Variants in SCAPER observed in about 807,000 individuals in gnomAD.
SCAPER encodes S phase cyclin A-associated protein in the endoplasmic reticulum.
A neutral mutation model predicts 182.2 loss-of-function variants in SCAPER; 98 were observed. The observed-to-expected ratio is 0.54, with a 90% CI of 0.46 to 0.64. The LOEUF is 0.64. Among genes scored for constraint, SCAPER ranks in the 30% least tolerant of loss-of-function variants. SCAPER has a pLI of 0.00. For missense variants in SCAPER, 1,432 were observed against 1,690.0 expected (o/e 0.85, Z 2.68); for synonymous variants, 605 against 564.6 (o/e 1.07, Z -1.01).
At chr15:76,434,806 T>C (rs2047088825) in intron 25 of SCAPER, among the ~76,000 whole-genome samples, 1 of 152,174 alleles carries the variant, frequency 6.6e-6, no homozygotes, top group Non-Finnish European at 1.5e-5. Context: ...CCCTAGTACA[T>C]AATGCCACAC....
At chr15:76,713,853 A>C (rs59996054) in intron 17 of SCAPER, among the ~76,000 whole-genome samples, 1 of 152,058 alleles carries the variant, frequency 6.6e-6, no homozygotes, top group Non-Finnish European at 1.5e-5. Flanking sequence ...ATATACATCT[A>C]CTCTACAACC....
At chr15:76,390,660 C>T (rs949021577) in intron 27 of SCAPER, among the ~76,000 whole-genome samples, 5 of 152,280 alleles carry the variant, frequency 3.3e-5, no homozygotes, top group Middle Eastern at 6.8e-3. Flanking sequence ...AGATGGGACA[C>T]TTTTGACCTC....
At chr15:76,508,923 T>C (rs2041813202) in intron 23 of SCAPER, among the ~76,000 whole-genome samples, 1 of 152,250 alleles carries the variant, frequency 6.6e-6, no homozygotes, top group East Asian at 1.9e-4. Flanking sequence ...AGTTAAATCA[T>C]ATAGTATGTA....
At chr15:76,439,593 G>A (rs1184384535) in intron 25 of SCAPER, among the ~76,000 whole-genome samples, 2 of 152,228 alleles carry the variant, frequency 1.3e-5, no homozygotes, top group African/African-American at 4.8e-5. Flanking sequence ...CAACACTTGA[G>A]TTTGAACTTA....
chr15:76,432,470 A>G (rs566035479), intron 26 of SCAPER, among the ~76,000 whole-genome samples: 1 of 152,372 alleles, frequency 6.6e-6, no homozygotes, highest in Admixed American at 6.5e-5. Flanking sequence ...ATGAACTGCG[A>G]AAGAAGCAAA....
chr15:76,652,255 CT>C (rs2055126570), intron 21 of SCAPER, among the ~76,000 whole-genome samples: 1 of 5,418 alleles, frequency 1.8e-4, no homozygotes, highest in Non-Finnish European at 3.8e-4. Flanking sequence ...TGTGTCTCTG[CT>C]AAAAAAAAAA....
Position 76,623,646 on chromosome 15 carries a change from G to A in SCAPER, c.2646-1817C>T, listed in dbSNP as rs114359122. Among the ~76,000 whole-genome samples the A allele has an allele frequency of 9.0e-3, 1,373 of 152,260 alleles. 22 individuals carry two copies. The highest frequency in any genetic ancestry group is 0.032 in the African/African-American group (1,332 of 41,530). Reference sequence around the variant, plus strand: ...CCAGTACCATGCTCTCTTGGTTACTGTAGACTTATAGTATAGTTTGAAATT... The same window carrying A: ...CCAGTACCATGCTCTCTTGGTTACTATAGACTTATAGTATAGTTTGAAATT... On this transcript the variant is annotated intron_variant, in intron 21 of 31. Transcript: ENST00000563290.
Position 76,593,240 on chromosome 15 carries a change from C to A in SCAPER, c.2712-18956G>T. ...GCTGGGTGGAGGCATCATAGCTCCG[C>A]AAAGCTGCTATAGCCAGACTGCCTC... On this transcript the variant is annotated intron_variant, in intron 22 of 31. Transcript: ENST00000563290. 1.6e-5 allele frequency among the ~76,000 whole-genome samples: 2 copies of A among 121,224 alleles called. 1 individual carries two copies. Among genetic ancestry groups the A allele is most frequent in the Non-Finnish European group, 4.0e-5 (2 of 49,890 alleles). 79.5% of individuals were successfully genotyped at this position (121,224 alleles called of 152,430 possible).
rs1340938489 is a variant in SCAPER at position 76,548,125 on chromosome 15, A to AG, written c.2838+26032_2838+26033insC. Among the ~76,000 whole-genome samples the AG allele has an allele frequency of 4.0e-5, 6 of 151,662 alleles. No individual in the cohort carries two copies. The South Asian group carries it at 8.4e-4, about 21-fold the overall frequency. On this transcript the variant is annotated intron_variant, in intron 23 of 31. Transcript: ENST00000563290. Reference sequence around the variant, plus strand: ...TTTTAGCCCTTTTCCCGTTCAGAAAAAAAAAGTGCAGCTTGCTGCTAGCGC... The same window carrying AG: ...TTTTAGCCCTTTTCCCGTTCAGAAAAGAAAAAGTGCAGCTTGCTGCTAGCGC...
At chr15:76,369,934 A>G (rs1257845995) in intron 29 of SCAPER, among the ~76,000 whole-genome samples, 1 of 152,202 alleles carries the variant, frequency 6.6e-6, no homozygotes, top group African/African-American at 2.4e-5. Context: ...AGAGCAAGGT[A>G]CATGACATCT....
At chr15:76,652,353 C>T (rs1280094705) in intron 21 of SCAPER, among the ~76,000 whole-genome samples, 20 of 29,998 alleles carry the variant, frequency 6.7e-4, no homozygotes, top group Non-Finnish European at 6.9e-4. Context: ...TACACACACA[C>T]ACACACACAC....
intron 23 of SCAPER, among the ~76,000 whole-genome samples, chr15:76,543,513 G>A (rs2044973413): frequency 6.6e-6 from 1 of 152,126 alleles, no homozygotes; most frequent in South Asian, 2.1e-4. Flanking sequence ...TTGCACTGTG[G>A]ACAGAAGCTG....
chr15:76,630,051 A>T (rs1043708902), intron 21 of SCAPER, among the ~76,000 whole-genome samples: 4 of 152,174 alleles, frequency 2.6e-5, no homozygotes, highest in African/African-American at 9.7e-5. Flanking sequence ...ACTTGCATAG[A>T]GGTATTTATA....
chr15:76,408,608 C>T (rs529415876), intron 26 of SCAPER, among the ~76,000 whole-genome samples: 5 of 151,798 alleles, frequency 3.3e-5, no homozygotes, highest in South Asian at 2.1e-4. Flanking sequence ...TATAGTCTCA[C>T]GAGCAAGGTA....
chr15:76,782,957 T>C (rs1338535610), intron 8 of SCAPER, among the ~76,000 whole-genome samples: 1 of 152,006 alleles, frequency 6.6e-6, no homozygotes, highest in African/African-American at 2.4e-5. Flanking sequence ...CACCCTAACA[T>C]CTCAATTAAA....
chr15:76,873,895 CTTCT>C (rs1182407221), intron 2 of SCAPER, among the ~76,000 whole-genome samples: 1 of 151,384 alleles, frequency 6.6e-6, no homozygotes, highest in Non-Finnish European at 1.5e-5. Flanking sequence ...TTCTTTTCTT[CTTCT>C]TTTTTTTTTT....
At chr15:76,899,139 A>G (rs1181372050) in intron 1 of SCAPER, among the ~76,000 whole-genome samples, 1 of 152,208 alleles carries the variant, frequency 6.6e-6, no homozygotes, top group African/African-American at 2.4e-5. Context: ...TATACAAGAA[A>G]TATGGATATG....
intron 2 of SCAPER, among the ~76,000 whole-genome samples, chr15:76,876,874 C>T (rs1359913683): frequency 1.3e-5 from 2 of 152,112 alleles, no homozygotes; most frequent in African/African-American, 4.8e-5. Context: ...AGGGAAATTA[C>T]GAGCTGAACC....
intron 21 of SCAPER, among the ~76,000 whole-genome samples, chr15:76,630,135 A>G (rs548227680): frequency 6.6e-6 from 1 of 152,202 alleles, no homozygotes; most frequent in East Asian, 1.9e-4. Context: ...CTGTGGGGTC[A>G]TTGGTGATAT....
Sources: gnomAD v4.1 joint callset for allele counts (sites outside exome capture counted in the v4.1 genomes callset) on GRCh38, gnomAD v4.1.1 for gene constraint, MANE v1.5 for transcripts, NCBI Gene and HGNC (gene_info 2026-07-23, HGNC 2026-07-21) for gene names.